The following LAMA2 variants were observed in gnomAD, a reference collection of about 807,000 sequenced individuals.
LAMA2 encodes laminin subunit alpha 2, also known as laminin subunit alpha-2.
In LAMA2, 269 loss-of-function variants were observed where a neutral mutation model predicts 364.8. The observed-to-expected ratio is 0.74, with a 90% CI of 0.67 to 0.82. LAMA2 has a LOEUF of 0.82. Among genes scored for constraint, LAMA2 ranks in the 40% least tolerant of loss-of-function variants. LAMA2 has a pLI of 0.00. For missense variants in LAMA2, 3,807 were observed against 3,873.2 expected (o/e 0.98, Z 0.45); for synonymous variants, 1,379 against 1,370.6 (o/e 1.01, Z -0.14).
intron 10 of LAMA2, among the ~76,000 whole-genome samples, chr6:129,188,294 T>C (rs1781347075): frequency 6.6e-6 from 1 of 151,920 alleles, no homozygotes; most frequent in South Asian, 2.1e-4. Flanking sequence ...TGTGAAATTA[T>C]TTAATCATAT....
intron 2 of LAMA2, 86 bp from the exon 3 acceptor site, chr6:129,059,698 C>CGG (rs143205326): frequency 1.5e-4 from 120 of 813,944 alleles, no homozygotes; most frequent in African/African-American, 8.6e-4. Flanking sequence ...TTGTTTTAAC[C>CGG]ATTTTTTTTT....
chr6:128,956,561 G>C lies in LAMA2; in HGVS notation c.112+73204G>C, dbSNP rs192615747. Among the ~76,000 whole-genome samples, 673 of 152,056 alleles carry C rather than the reference G, an allele frequency of 4.4e-3. 6 individuals carry two copies. Among genetic ancestry groups the C allele is most frequent in the African/African-American group, 0.015 (629 of 41,530 alleles). ...ATAGTCTTGTTAGTGAAAGAAAATA[G>C]GGACAATTAATGTATAATAAACTTA... On this transcript the variant is annotated intron_variant, in intron 1 of 64. Coordinates refer to ENST00000421865, the MANE Select transcript of LAMA2 (RefSeq NM_000426.4).
chr6:129,013,323 G>A (rs1477061850), intron 1 of LAMA2, among the ~76,000 whole-genome samples: 1 of 152,074 alleles, frequency 6.6e-6, no homozygotes, highest in African/African-American at 2.4e-5. Flanking sequence ...TGTAGTCCCA[G>A]CTACTCGGGA....
intron 3 of LAMA2, among the ~76,000 whole-genome samples, chr6:129,061,264 C>T (rs1048165891): frequency 6.6e-6 from 1 of 152,186 alleles, no homozygotes; most frequent in Admixed American, 6.5e-5. Context: ...TGTGCATTGA[C>T]TCAGGTCATC....
chr6:129,017,891 A>T (rs1199418312), intron 1 of LAMA2, among the ~76,000 whole-genome samples: 1 of 152,080 alleles, frequency 6.6e-6, no homozygotes, highest in East Asian at 1.9e-4. Flanking sequence ...TCAAGGGTAA[A>T]TAATAACAAA....
chr6:129,131,292 G>A (rs1266170359), intron 4 of LAMA2, among the ~76,000 whole-genome samples: 1 of 152,148 alleles, frequency 6.6e-6, no homozygotes, highest in African/African-American at 2.4e-5. Context: ...TTACAATAAT[G>A]ATCAGTGACT....
intron 30 of LAMA2, among the ~76,000 whole-genome samples, chr6:129,348,933 C>A (rs1776708852): frequency 6.6e-6 from 1 of 152,086 alleles, no homozygotes; most frequent in Non-Finnish European, 1.5e-5. Context: ...AGCTATTCCA[C>A]TATCAGACAA....
intron 41 of LAMA2, among the ~76,000 whole-genome samples, chr6:129,431,995 A>G (rs1781619260): frequency 6.6e-6 from 1 of 152,240 alleles, no homozygotes; most frequent in South Asian, 2.1e-4. Context: ...TAGGAGTGCA[A>G]TTGTGACTAA....
intron 58 of LAMA2, among the ~76,000 whole-genome samples, chr6:129,502,455 C>G (rs573508663): frequency 1.3e-5 from 2 of 152,162 alleles, no homozygotes; most frequent in Non-Finnish European, 2.9e-5. Context: ...TTTAGCCATT[C>G]CAGGGTGTGA....
chr6:129,504,708 A>C (rs1038869329), intron 60 of LAMA2, among the ~76,000 whole-genome samples: 20 of 152,238 alleles, frequency 1.3e-4, no homozygotes, highest in Admixed American at 6.5e-5. Context: ...AAAGTAGTGC[A>C]GCTTATTTGT....
At chr6:129,200,353 CAT>C (rs1251030689) in intron 12 of LAMA2, among the ~76,000 whole-genome samples, 6 of 134,200 alleles carry the variant, frequency 4.5e-5, no homozygotes, top group Admixed American at 7.4e-5. Flanking sequence ...TATGTGTACA[CAT>C]ATACATATAC....
intron 34 of LAMA2, among the ~76,000 whole-genome samples, chr6:129,372,087 C>T (rs1306545066): frequency 6.6e-6 from 1 of 152,068 alleles, no homozygotes; most frequent in African/African-American, 2.4e-5. Flanking sequence ...ACTCCCTGCC[C>T]CCACAACCTT....
chr6:129,330,392 C>T lies in LAMA2; in HGVS notation c.4311+1980C>T, dbSNP rs545343008. Among the ~76,000 whole-genome samples, 11 of 151,700 alleles carry T rather than the reference C, an allele frequency of 7.3e-5. 1 individual carries two copies. In the South Asian group the frequency reaches 1.9e-3, roughly 26 times the overall value. ...ATGTGCCCCCTCTCCATCTGCTTGT[C>T]GAAGTCACCTACTAACCTTTAAATA... On this transcript the variant is annotated intron_variant, in intron 29 of 64. Transcript: ENST00000421865.
chr6:128,995,324 TA>T (rs1461171447), intron 1 of LAMA2, among the ~76,000 whole-genome samples: 3 of 152,170 alleles, frequency 2.0e-5, no homozygotes, highest in African/African-American at 7.2e-5. Context: ...TAGTACCTGA[TA>T]GGCAGTTTTG....
chr6:129,281,436 T>A (rs2114395394), intron 18 of LAMA2, among the ~76,000 whole-genome samples: 1 of 152,318 alleles, frequency 6.6e-6, no homozygotes, highest in South Asian at 2.1e-4. Flanking sequence ...CTTATATTGC[T>A]TTGCTTTATG....
chr6:129,505,506 ATTTGTTTG>A (rs558876015), intron 61 of LAMA2, 151 bp downstream of exon 61: 13 of 691,850 alleles, frequency 1.9e-5, no homozygotes, highest in East Asian at 1.6e-4. Flanking sequence ...TTTGTTGTTT[ATTTGTTTG>A]TTTGTTTGTT....
At chr6:128,988,170 A>G (rs1410186045) in intron 1 of LAMA2, among the ~76,000 whole-genome samples, 1 of 152,188 alleles carries the variant, frequency 6.6e-6, no homozygotes, top group Non-Finnish European at 1.5e-5. Context: ...CCGGCCTAGC[A>G]TGTAGTTTTT....
chr6:129,081,243 T>C (rs1253938478), intron 3 of LAMA2, among the ~76,000 whole-genome samples: 1 of 101,594 alleles, frequency 9.8e-6, no homozygotes, highest in Admixed American at 1.1e-4. Flanking sequence ...GGGCCTGTTG[T>C]GGGGTGGGGT....
At chr6:129,347,568 T>C (rs1290634480) in intron 30 of LAMA2, among the ~76,000 whole-genome samples, 1 of 152,146 alleles carries the variant, frequency 6.6e-6, no homozygotes, top group East Asian at 1.9e-4. Context: ...GCAGTGTCCA[T>C]AGGAGATGAC....
Sources: gnomAD v4.1 joint callset for allele counts (sites outside exome capture counted in the v4.1 genomes callset) on GRCh38, gnomAD v4.1.1 for gene constraint, MANE v1.5 for transcripts, NCBI Gene and HGNC (gene_info 2026-07-23, HGNC 2026-07-21) for gene names.